Variants in WNK2 observed in about 807,000 individuals in gnomAD.
WNK2 encodes serine/threonine-protein kinase WNK2.
In WNK2, 67 loss-of-function variants were observed where a neutral mutation model predicts 192.1. That is an observed-to-expected ratio of 0.35 (90% CI 0.29 to 0.43). WNK2 has a LOEUF of 0.43. Among genes scored for constraint, WNK2 ranks in the 20% least tolerant of loss-of-function variants. WNK2 has a pLI of 1.00. For missense variants in WNK2, 2,698 were observed against 3,089.7 expected, an observed-to-expected ratio of 0.87 and a Z score of 3.01; for synonymous variants, 1,439 against 1,393.9, an observed-to-expected ratio of 1.03 and a Z score of -0.72.
chr9:93,315,026 G>A (rs369150681), intron 28 of WNK2, among the ~76,000 whole-genome samples: 1 of 152,156 alleles, frequency 6.6e-6, no homozygotes, highest in Non-Finnish European at 1.5e-5. Context: ...TTGCCACAAT[G>A]TGCTCTTGAC....
rs763571624 is a variant in WNK2 at position 93,256,420 on chromosome 9, C to G, written c.2156C>G (p.Thr719Arg). The change falls in exon 10 of 30, where the codon ACG becomes AGG. Residue 719 changes from threonine (T) to arginine (R), a missense_variant. Coordinates refer to ENST00000427277, the MANE Select transcript of WNK2 (RefSeq NM_006648.4). ...CCGCCGCCCAGCACCCCCATGCCCA[C>G]GGGCCCAGGCCAGCCAGCACCCCCC... ...VLPPPSTPMP[T>R]GPGQPAPPGQ... The G allele has an allele frequency of 7.2e-6, 11 of 1,538,424 alleles. No homozygotes were observed. The highest frequency in any genetic ancestry group is 9.6e-6 in the Non-Finnish European group (11 of 1,147,726).
At position 93,318,862 on chromosome 9, in the gene WNK2, C is replaced by G. The variant is rs1208726041; in HGVS notation, c.6628+1231C>G. ...GAAGGCCCCAGCCTCCTCCACCTCC[C>G]ACTGGAAAGCAGACTGCTTGGGACT... On this transcript the variant is annotated intron_variant, in intron 29 of 29. Coordinates refer to ENST00000427277, the MANE Select transcript of WNK2 (RefSeq NM_006648.4). The G allele has an allele frequency of 4.3e-6, 6 of 1,398,166 alleles. No individual in the cohort carries two copies. In the African/African-American group the frequency reaches 7.2e-5, roughly 17 times the overall value. 86.6% of individuals were successfully genotyped at this position (1,398,166 alleles called of 1,614,324 possible).
intron 27 of WNK2, 165 bp downstream of exon 27, chr9:93,306,986 C>T (rs1279097498): frequency 4.9e-6 from 4 of 821,050 alleles, no homozygotes; most frequent in African/African-American, 1.7e-5. Context: ...TTCTGCCTGG[C>T]GGGATCGCTG....
At chr9:93,225,914 ATGTTGTGTTG>A (rs35020803) in intron 2 of WNK2, among the ~76,000 whole-genome samples, 27,966 of 150,884 alleles carry the variant, frequency 0.19, 2,787 homozygotes, top group East Asian at 0.26. Flanking sequence ...CTGTTGTGTT[ATGTTGTGTTG>A]TGTTGTGTTG....
At chr9:93,201,580 C>T (rs756495264) in intron 2 of WNK2, among the ~76,000 whole-genome samples, 12 of 152,190 alleles carry the variant, frequency 7.9e-5, no homozygotes, top group Non-Finnish European at 1.3e-4. Context: ...TACCTAAGCC[C>T]CAGGTTGGAT....
intron 28 of WNK2, among the ~76,000 whole-genome samples, chr9:93,310,584 G>A (rs1588629710): frequency 6.6e-6 from 1 of 152,046 alleles, no homozygotes; most frequent in Admixed American, 6.6e-5. Context: ...CTTCCCCAGG[G>A]AAACTCTATC....
At chr9:93,226,487 G>T (rs1178470185) in intron 2 of WNK2, among the ~76,000 whole-genome samples, 5 of 151,784 alleles carry the variant, frequency 3.3e-5, no homozygotes, top group African/African-American at 4.8e-5. Flanking sequence ...AAATTGAAGG[G>T]TGATTTACAT....
At chr9:93,291,166 A>G (rs1447134298) in intron 21 of WNK2, among the ~76,000 whole-genome samples, 2 of 152,150 alleles carry the variant, frequency 1.3e-5, no homozygotes, top group African/African-American at 4.8e-5. Context: ...GCATCTTCCC[A>G]AAAGGGTGGA....
intron 4 of WNK2, among the ~76,000 whole-genome samples, chr9:93,232,985 A>G (rs867248541): frequency 1.5e-4 from 22 of 147,236 alleles, no homozygotes; most frequent in Middle Eastern, 7.0e-3. Flanking sequence ...AAAAAAAAAA[A>G]GGCGGGGGAA....
chr9:93,269,384 G>A (rs1392311692), intron 19 of WNK2, among the ~76,000 whole-genome samples: 1 of 152,102 alleles, frequency 6.6e-6, no homozygotes, highest in Admixed American at 6.5e-5. Context: ...ATAACCTTAT[G>A]GCACATTCAT....
chr9:93,294,106 G>A (rs999730217), intron 23 of WNK2, among the ~76,000 whole-genome samples: 2 of 152,224 alleles, frequency 1.3e-5, no homozygotes, highest in African/African-American at 4.8e-5. Flanking sequence ...CTGAAGGCAC[G>A]TTTGTAAGTC....
rs1279954657 is a variant in WNK2, at chr9:93,257,661, G to A, written c.2382+522G>A. On this transcript the variant is annotated intron_variant, in intron 11 of 29. Transcript: ENST00000427277. This position sits in a 1 kb window ranked among gnomAD's most constrained non-coding sequence, Gnocchi z 4.7. ...GCAGGTAGGTTTGCCTCAGAGGAGC[G>A]TTCTTCCTGTGGAGCTCCTCCAGGG... Among the ~76,000 whole-genome samples the A allele has an allele frequency of 1.3e-5, 2 of 152,220 alleles. No individual in the cohort carries two copies. The highest frequency in any genetic ancestry group is 2.9e-5 in the Non-Finnish European group (2 of 68,036).
rs115132632 is a variant in WNK2, at chr9:93,239,970, A to G, written c.1536A>G (p.Gln512=). ...AGGAGACGCCGGATGAGGTGGCCCA[A>G]GAGATGGTAAGCAGGACTCAGATGG... ...LEKETPDEVA[Q]EMIESGFFHE... The change falls in exon 7 of 30, where the codon CAA becomes CAG. Residue 512 remains glutamine, a synonymous_variant. Coordinates refer to ENST00000427277, the MANE Select transcript of WNK2 (RefSeq NM_006648.4). The surrounding 1 kb of genome is among the most constrained non-coding windows in gnomAD (Gnocchi z 4.2). The G allele has an allele frequency of 1.3e-4, 208 of 1,609,694 alleles. No homozygotes were observed. In the African/African-American group the frequency reaches 2.4e-3, roughly 18 times the overall value.
intron 28 of WNK2, among the ~76,000 whole-genome samples, chr9:93,311,540 A>G (rs1249930339): frequency 1.3e-5 from 2 of 152,070 alleles, no homozygotes; most frequent in African/African-American, 4.8e-5. Context: ...TGACATTTCC[A>G]CTAACAGTGC....
intron 19 of WNK2, among the ~76,000 whole-genome samples, chr9:93,282,889 T>G (rs1300662167): frequency 6.6e-6 from 1 of 152,192 alleles, no homozygotes; most frequent in Admixed American, 6.5e-5. Context: ...AATTTAACTT[T>G]ACGCAGACCC....
rs556965117 is a variant in WNK2 at position 93,298,636 on chromosome 9, C to T, written c.5924-434C>T. 9.8e-5 allele frequency among the ~76,000 whole-genome samples: 15 copies of T among 152,302 alleles called. No homozygotes were observed. The South Asian group carries it at 3.1e-3, about 32-fold the overall frequency. On this transcript the variant is annotated intron_variant, in intron 24 of 29. Coordinates refer to ENST00000427277, the MANE Select transcript of WNK2 (RefSeq NM_006648.4). ...CTTGCTGGTGGAGAGCCCTGGCAGT[C>T]TGGGATGGAGCCCCTGTGAGCCCAA...
intron 29 of WNK2, 72 bp downstream of exon 29, chr9:93,317,703 G>T: frequency 6.4e-7 from 1 of 1,553,142 alleles, no homozygotes; most frequent in South Asian, 1.2e-5. Flanking sequence ...CCTGCTCCCA[G>T]CTCCAGTGTC....
chr9:93,222,960 G>A (rs1418804584), intron 2 of WNK2, among the ~76,000 whole-genome samples: 1 of 152,210 alleles, frequency 6.6e-6, no homozygotes, highest in African/African-American at 2.4e-5. Context: ...GGGATTACCG[G>A]TGTGAGCCAC....
Position 93,194,182 on chromosome 9 carries a change from G to A in WNK2, c.681+8572G>A, listed in dbSNP as rs533835540. 8.7e-4 allele frequency among the ~76,000 whole-genome samples: 133 copies of A among 152,036 alleles called. 1 individual carries two copies. The highest frequency in any genetic ancestry group is 2.8e-3 in the Admixed American group (42 of 15,258). On this transcript the variant is annotated intron_variant, in intron 2 of 29. Transcript: ENST00000427277. ...AGTGACTTTAGATATAACACCAAAG[G>A]CACAGTGCTTGAAAGAAAATAATGA...
Sources: allele counts gnomAD v4.1 joint callset (sites outside exome capture counted in the v4.1 genomes callset), GRCh38; gene constraint gnomAD v4.1.1; non-coding constraint Gnocchi (gnomAD v3.1); transcripts MANE v1.5; gene names NCBI Gene and HGNC (gene_info 2026-07-23, HGNC 2026-07-21).